Variants in TNNI3K observed in about 807,000 individuals in gnomAD.
TNNI3K encodes the protein TNNI3 interacting kinase, also known as serine/threonine-protein kinase TNNI3K.
Under a neutral mutation model 114.5 loss-of-function variants are expected in TNNI3K, and 140 were observed. The ratio of observed to expected loss-of-function variants is 1.22; its 90% CI spans 1.07 to 1.41. The LOEUF (loss-of-function observed/expected upper bound fraction) is 1.41, where lower values mean the gene tolerates loss of function less well. Ranked by LOEUF, TNNI3K falls within the 40% of genes most tolerant of loss-of-function variation. TNNI3K has a pLI of 0.00. For synonymous variants in TNNI3K, 347 were observed against 347.5 expected (o/e 1.00, Z 0.02); for missense variants, 1,125 against 1,007.6 (o/e 1.12, Z -1.58).
chr1:74,253,531 A>G (rs757518531), intron 4 of TNNI3K, among the ~76,000 whole-genome samples: 103 of 152,210 alleles, frequency 6.8e-4, no homozygotes, highest in Non-Finnish European at 2.8e-4. Context: ...GCACAGCGCC[A>G]GTGGGCCGGC....
chr1:74,418,881 C>T (rs1462669798), intron 17 of TNNI3K, among the ~76,000 whole-genome samples: 1 of 152,208 alleles, frequency 6.6e-6, no homozygotes, highest in South Asian at 2.1e-4. Context: ...TGGCTGATTG[C>T]TCCTACTTAG....
rs543162416 is a variant in TNNI3K at position 74,267,850 on chromosome 1, A to G, written c.334-3748A>G. The stretch of plus-strand genomic sequence containing the variant: ...AGGAATCCTAATATACTTTAAAAAA[A>G]TTCCACAAATATTGACTGAATAAGG... On this transcript the variant is annotated intron_variant, in intron 4 of 24. Coordinates refer to ENST00000326637, the MANE Select transcript of TNNI3K (RefSeq NM_015978.3). Among the ~76,000 whole-genome samples the G allele has an allele frequency of 1.4e-4, 21 of 152,088 alleles. No homozygotes were observed. In the East Asian group the frequency reaches 3.5e-3, roughly 25 times the overall value.
chr1:74,363,801 G>A (rs956460744), intron 11 of TNNI3K, among the ~76,000 whole-genome samples: 3 of 151,736 alleles, frequency 2.0e-5, no homozygotes, highest in Admixed American at 2.0e-4. Context: ...TTTTGTTTTT[G>A]TGTTTTTCCT....
rs200432313 is a variant in TNNI3K, at chr1:74,367,295, G to T, written c.1217G>T (p.Arg406Ile). ...GTCACACTCCTGAAGCATTATAAGAGACCACAAGATGAATTGCCCTGTAAT... is the reference window on the plus strand; with the variant it reads ...GTCACACTCCTGAAGCATTATAAGATACCACAAGATGAATTGCCCTGTAAT... The part of the protein sequence containing the change: ...AIVTLLKHYK[R>I]PQDELPCNEY... Residue 406 changes from arginine to isoleucine, a missense_variant, in exon 12 of 25, where the codon AGA becomes ATA. Transcript: ENST00000326637. 185 of 1,612,156 alleles carry T rather than the reference G, an allele frequency of 1.1e-4. No individual in the cohort carries two copies. In the East Asian group the frequency reaches 4.0e-3, roughly 35 times the overall value.
At chr1:74,299,814 G>A (rs566829263) in intron 5 of TNNI3K, among the ~76,000 whole-genome samples, 1 of 152,182 alleles carries the variant, frequency 6.6e-6, no homozygotes, top group African/African-American at 2.4e-5. Context: ...GAGACAGGCA[G>A]TGGCTCTTTT....
chr1:74,362,349 AC>A (rs1234957247), intron 11 of TNNI3K, among the ~76,000 whole-genome samples: 11 of 152,252 alleles, frequency 7.2e-5, no homozygotes, highest in Admixed American at 2.6e-4. Flanking sequence ...AGCATGTGAG[AC>A]ATGAGGTCAA....
chr1:74,382,886 A>G (rs1055871970), intron 17 of TNNI3K, among the ~76,000 whole-genome samples: 1 of 152,104 alleles, frequency 6.6e-6, no homozygotes, highest in African/African-American at 2.4e-5. Flanking sequence ...GCTTTCATTA[A>G]ATCTATTCAG....
chr1:74,506,659 C>T (rs1278500006), intron 23 of TNNI3K, among the ~76,000 whole-genome samples: 1 of 152,222 alleles, frequency 6.6e-6, no homozygotes, highest in Admixed American at 6.5e-5. Flanking sequence ...TCAGGCCCCA[C>T]ACCGGACCTG....
intron 5 of TNNI3K, among the ~76,000 whole-genome samples, chr1:74,292,488 C>T (rs1161849348): frequency 6.6e-6 from 1 of 151,504 alleles, no homozygotes; most frequent in African/African-American, 2.4e-5. Flanking sequence ...AAGTAGGTTT[C>T]CAACTTTACA....
chr1:74,285,529 G>GC (rs1553127471), intron 5 of TNNI3K, among the ~76,000 whole-genome samples: 6 of 152,022 alleles, frequency 3.9e-5, no homozygotes, highest in Non-Finnish European at 7.4e-5. Context: ...CAACCACAAT[G>GC]TTTTTTTGTA....
At chr1:74,459,027 G>A (rs1667340081) in intron 20 of TNNI3K, among the ~76,000 whole-genome samples, 1 of 152,092 alleles carries the variant, frequency 6.6e-6, no homozygotes, top group Non-Finnish European at 1.5e-5. Context: ...TTCTGGTCCT[G>A]CATTAATTCC....
chr1:74,335,445 C>T (rs1193903624), intron 6 of TNNI3K, among the ~76,000 whole-genome samples: 2 of 151,892 alleles, frequency 1.3e-5, no homozygotes, highest in Non-Finnish European at 1.5e-5. Flanking sequence ...TTTTTTCTTC[C>T]TTGCTGACTC....
At chr1:74,240,000 G>A (rs41289186) in intron 2 of TNNI3K, 1 of 469,890 alleles carries the variant, frequency 2.1e-6, no homozygotes, top group South Asian at 1.6e-5. Flanking sequence ...AGAGAAGGCA[G>A]GAGGAGAAAG....
chr1:74,393,077 C>G (rs185686871), intron 17 of TNNI3K, among the ~76,000 whole-genome samples: 37 of 152,294 alleles, frequency 2.4e-4, no homozygotes, highest in African/African-American at 8.4e-4. Context: ...TGACGATTAG[C>G]AGAAAGCAGT....
chr1:74,370,548 C>A, intron 17 of TNNI3K, 156 bp downstream of exon 17: 1 of 506,418 alleles, frequency 2.0e-6, no homozygotes, highest in South Asian at 4.9e-5. Flanking sequence ...AAAGTTTTGT[C>A]ATTGTCTTTT....
intron 4 of TNNI3K, among the ~76,000 whole-genome samples, chr1:74,252,266 T>C (rs1213045112): frequency 6.6e-6 from 1 of 152,220 alleles, no homozygotes; most frequent in Non-Finnish European, 1.5e-5. Context: ...TTTTCTTTGC[T>C]CTATTTTTAT....
chr1:74,437,568 G>T (rs189468495), intron 19 of TNNI3K, among the ~76,000 whole-genome samples: 1 of 151,900 alleles, frequency 6.6e-6, no homozygotes, highest in African/African-American at 2.4e-5. Context: ...TATGCAGGTG[G>T]GGGCAATAGT....
At position 74,261,078 on chromosome 1, in the gene TNNI3K, C is replaced by G. The variant is rs561463890; in HGVS notation, c.333+10309C>G. 5.0e-4 allele frequency among the ~76,000 whole-genome samples: 76 copies of G among 151,892 alleles called. 5 individuals carry two copies. The South Asian group carries it at 0.016, about 32-fold the overall frequency. ...AGCTCAGATTGGTAGAAAAAAGTAC[C>G]AGCTTTTTCTTTGCTGCTTCTTACC... On this transcript the variant is annotated intron_variant, in intron 4 of 24. Transcript: ENST00000326637.
chr1:74,322,458 T>C (rs538029000), intron 5 of TNNI3K, among the ~76,000 whole-genome samples: 1 of 150,404 alleles, frequency 6.6e-6, no homozygotes, highest in East Asian at 1.9e-4. Flanking sequence ...TGACTAATTC[T>C]ACCTTTTTTT....
Sources: allele counts gnomAD v4.1 joint callset (sites outside exome capture counted in the v4.1 genomes callset), GRCh38; gene constraint gnomAD v4.1.1; transcripts MANE v1.5; gene names NCBI Gene and HGNC (gene_info 2026-07-23, HGNC 2026-07-21).